Variants in PLEKHS1 observed in about 807,000 individuals in gnomAD.
The protein encoded by PLEKHS1 is pleckstrin homology domain-containing family S member 1.
In PLEKHS1, 55 loss-of-function variants were observed where a neutral mutation model predicts 51.0. That is an observed-to-expected ratio of 1.08 (90% CI 0.87 to 1.35). The LOEUF (loss-of-function observed/expected upper bound fraction) is 1.35, where lower values mean the gene tolerates loss of function less well. Among genes scored for constraint, PLEKHS1 ranks in the 40% most tolerant of loss-of-function variants. The pLI, the probability that PLEKHS1 is intolerant of heterozygous loss-of-function variation, is 0.00. For missense variants in PLEKHS1, 398 were observed against 423.0 expected (o/e 0.94, Z 0.52); for synonymous variants, 153 against 144.8 (o/e 1.06, Z -0.41).
At chr10:113,754,045 C>T (rs1431730339) in intron 1 of PLEKHS1, among the ~76,000 whole-genome samples, 1 of 152,038 alleles carries the variant, frequency 6.6e-6, no homozygotes, top group Non-Finnish European at 1.5e-5. Context: ...TGACCTCAAA[C>T]AATCCGCCCA....
chr10:113,775,632 C>A (rs1364474408), intron 10 of PLEKHS1, 133 bp from the exon 11 acceptor site: 2 of 568,678 alleles, frequency 3.5e-6, no homozygotes, highest in Admixed American at 3.2e-5. Context: ...TTATATTATT[C>A]TCCAAATGTT....
At chr10:113,773,602 T>C (rs1844516029) in intron 8 of PLEKHS1, among the ~76,000 whole-genome samples, 1 of 152,096 alleles carries the variant, frequency 6.6e-6, no homozygotes, top group South Asian at 2.1e-4. Flanking sequence ...AGCACGAACA[T>C]GGCGATGGAA....
chr10:113,769,976 A>G (rs1270282849), intron 7 of PLEKHS1, 76 bp downstream of exon 7: 4 of 1,066,046 alleles, frequency 3.8e-6, no homozygotes, highest in Non-Finnish European at 5.8e-6. Flanking sequence ...CCAATTAGCA[A>G]TTGAATTTAA....
At chr10:113,778,643 C>CTTTTTTTT (rs55821501) in intron 11 of PLEKHS1, among the ~76,000 whole-genome samples, 14 of 127,096 alleles carry the variant, frequency 1.1e-4, no homozygotes, top group South Asian at 2.5e-4. Flanking sequence ...CGTTCACTTT[C>CTTTTTTTT]TTTTTTTTTT....
intron 9 of PLEKHS1, 65 bp downstream of exon 9, chr10:113,774,398 C>A: frequency 1.1e-6 from 1 of 931,540 alleles, no homozygotes; most frequent in South Asian, 1.6e-5. Flanking sequence ...CAATGATTGT[C>A]AGTTCATTTC....
intron 8 of PLEKHS1, among the ~76,000 whole-genome samples, chr10:113,773,105 G>A (rs576861550): frequency 6.6e-6 from 1 of 152,274 alleles, no homozygotes; most frequent in African/African-American, 2.4e-5. Context: ...ACATTCTGGG[G>A]TCAAATAAGT....
chr10:113,770,703 C>T lies in PLEKHS1; in HGVS notation c.552+803C>T, dbSNP rs369757358. ...CACCTCACCTCAGTTCTTCATTTAG[C>T]GAGTAGAAACGGTGGTATGCAGCAG... is the stretch of plus-strand genomic sequence containing the variant. On this transcript the variant is annotated intron_variant, in intron 7 of 11. Transcript: ENST00000361048. Among the ~76,000 whole-genome samples the T allele has an allele frequency of 2.5e-4, 38 of 152,254 alleles. No homozygotes were observed. In the South Asian group the frequency reaches 5.8e-3, roughly 23 times the overall value.
intron 11 of PLEKHS1, 125 bp downstream of exon 11, chr10:113,775,991 T>C (rs377447020): frequency 3.4e-5 from 21 of 620,408 alleles, no homozygotes; most frequent in East Asian, 3.3e-4. Context: ...GCTTGGACTG[T>C]TGACTGGCTG....
At chr10:113,777,698 G>C in intron 11 of PLEKHS1, 7 of 1,523,774 alleles carry the variant, frequency 4.6e-6, no homozygotes, top group Non-Finnish European at 6.2e-6. Flanking sequence ...GCTCAATAAA[G>C]CTACTAGTTA....
At chr10:113,767,368 T>C (rs1564821593) in exon 5 of PLEKHS1, 1 of 1,609,670 alleles carries the variant, frequency 6.2e-7, no homozygotes, top group Non-Finnish European at 8.5e-7. Context: ...GAAGTTGGCA[T>C]AAGTAGCCAG....
chr10:113,759,460 C>T (rs1211753127), intron 2 of PLEKHS1, among the ~76,000 whole-genome samples: 2 of 152,166 alleles, frequency 1.3e-5, no homozygotes, highest in Non-Finnish European at 2.9e-5. Context: ...ATCCCAGTCC[C>T]CATTGTTCTG....
At chr10:113,775,697 C>A in intron 10 of PLEKHS1, 68 bp from the exon 11 acceptor site, 1 of 1,038,806 alleles carries the variant, frequency 9.6e-7, no homozygotes, top group South Asian at 1.6e-5. Flanking sequence ...CAAAAGTCTA[C>A]TCAGAAAGTA....
exon 10 of PLEKHS1, chr10:113,774,987 A>G (rs1319340446): frequency 1.9e-6 from 3 of 1,614,198 alleles, no homozygotes; most frequent in East Asian, 4.5e-5. Context: ...ACAAATGACC[A>G]AAAGGGGTCG....
intron 11 of PLEKHS1, chr10:113,777,176 G>C: frequency 6.2e-7 from 1 of 1,612,840 alleles, no homozygotes; most frequent in Non-Finnish European, 8.5e-7. Flanking sequence ...TTGCCACGGA[G>C]ATCATCTTCT....
intron 8 of PLEKHS1, 74 bp downstream of exon 8, chr10:113,772,163 T>C (rs955388809): frequency 2.6e-6 from 4 of 1,537,020 alleles, no homozygotes; most frequent in Non-Finnish European, 3.6e-6. Context: ...GCACTTTTCG[T>C]GCAATATTAG....
intron 1 of PLEKHS1, among the ~76,000 whole-genome samples, chr10:113,753,853 C>T (rs952899440): frequency 1.1e-4 from 17 of 151,984 alleles, no homozygotes; most frequent in African/African-American, 3.1e-4. Flanking sequence ...CTCTATCACG[C>T]AGGCTGGAGT....
chr10:113,769,663 C>T (rs1216831002), intron 6 of PLEKHS1, 121 bp from the exon 7 acceptor site: 8 of 701,626 alleles, frequency 1.1e-5, no homozygotes, highest in East Asian at 2.5e-5. Context: ...GGCAGGCCAG[C>T]GGCATGAATG....
chr10:113,778,643 CTTTTT>C (rs55821501), intron 11 of PLEKHS1, among the ~76,000 whole-genome samples: 2 of 127,114 alleles, frequency 1.6e-5, no homozygotes, highest in African/African-American at 2.9e-5. Context: ...CGTTCACTTT[CTTTTT>C]TTTTTTTTTT....
chr10:113,766,780 G>T, intron 4 of PLEKHS1, 62 bp downstream of exon 4: 1 of 1,265,420 alleles, frequency 7.9e-7, no homozygotes, highest in Non-Finnish European at 1.1e-6. Context: ...ACAGTAACAA[G>T]TTGCATGCAA....
Sources: gnomAD v4.1 joint callset for allele counts (sites outside exome capture counted in the v4.1 genomes callset) on GRCh38, gnomAD v4.1.1 for gene constraint, MANE v1.5 for transcripts, NCBI Gene and HGNC (gene_info 2026-07-23, HGNC 2026-07-21) for gene names.